FMNL2: variants seen among roughly 807,000 people sequenced by gnomAD.
FMNL2 encodes formin-like protein 2.
In FMNL2, 51 loss-of-function variants were observed where a neutral mutation model predicts 130.2. That is an observed-to-expected ratio of 0.39 (90% CI 0.31 to 0.49). The LOEUF (loss-of-function observed/expected upper bound fraction) is 0.49, where lower values mean the gene tolerates loss of function less well. Ranked by LOEUF, FMNL2 falls within the 20% of genes least tolerant of loss-of-function variation. The pLI, the probability that FMNL2 is intolerant of heterozygous loss-of-function variation, is 0.85. For missense variants in FMNL2, 977 were observed against 1,316.2 expected, an observed-to-expected ratio of 0.74 and a Z score of 3.99; for synonymous variants, 465 against 467.1, an observed-to-expected ratio of 1.00 and a Z score of 0.06.
chr2:152,631,732 C>T (rs868810651), intron 20 of FMNL2, among the ~76,000 whole-genome samples: 21 of 152,144 alleles, frequency 1.4e-4, no homozygotes, highest in African/African-American at 4.1e-4. Context: ...TAAATAGGAA[C>T]TACTGTAGAG....
At chr2:152,510,576 G>C (rs992225152) in intron 1 of FMNL2, among the ~76,000 whole-genome samples, 16 of 152,104 alleles carry the variant, frequency 1.1e-4, no homozygotes, top group African/African-American at 3.6e-4. Flanking sequence ...GTTGATTGTT[G>C]GTGTTGACCA....
intron 1 of FMNL2, among the ~76,000 whole-genome samples, chr2:152,469,661 T>C (rs773465691): frequency 2.0e-5 from 3 of 152,214 alleles, no homozygotes; most frequent in Non-Finnish European, 2.9e-5. Context: ...AGGTCATCAA[T>C]TGAAAATTCT....
chr2:152,376,113 T>C (rs1010690197), intron 1 of FMNL2, among the ~76,000 whole-genome samples: 1 of 151,954 alleles, frequency 6.6e-6, no homozygotes, highest in African/African-American at 2.4e-5. Context: ...AGGCTGGCCT[T>C]GAACTCCTGG....
At chr2:152,366,276 C>T (rs960816135) in intron 1 of FMNL2, among the ~76,000 whole-genome samples, 3 of 96,010 alleles carry the variant, frequency 3.1e-5, no homozygotes, top group African/African-American at 5.2e-5. Context: ...CATCACACAC[C>T]GGGGACTGTT....
intron 9 of FMNL2, among the ~76,000 whole-genome samples, chr2:152,595,038 G>A (rs1170529476): frequency 6.6e-6 from 1 of 152,010 alleles, no homozygotes; most frequent in Non-Finnish European, 1.5e-5. Flanking sequence ...TGAGCTTTAG[G>A]CTCTGTGTTG....
chr2:152,460,899 C>T (rs889047921), intron 1 of FMNL2, among the ~76,000 whole-genome samples: 15 of 152,042 alleles, frequency 9.9e-5, no homozygotes, highest in Admixed American at 3.3e-4. Flanking sequence ...ATAATTATTT[C>T]GTTATATATT....
chr2:152,447,236 G>T (rs953150770), intron 1 of FMNL2, among the ~76,000 whole-genome samples: 1 of 151,944 alleles, frequency 6.6e-6, no homozygotes, highest in African/African-American at 2.4e-5. Flanking sequence ...CAGTAGTCGG[G>T]ATTATAGGCA....
Position 152,441,969 on chromosome 2 carries a change from G to T in FMNL2, c.118-79974G>T, listed in dbSNP as rs546546163. Among the ~76,000 whole-genome samples the T allele has an allele frequency of 1.2e-4, 19 of 152,270 alleles. No homozygotes were observed. In the East Asian group the frequency reaches 3.5e-3, roughly 28 times the overall value. ...AGAGTGGGAGTTCCTACCAGTGTGTGTCTGTGTGTGTTTGTTTTTTAAAAT... is the reference window on the plus strand; with the variant it reads ...AGAGTGGGAGTTCCTACCAGTGTGTTTCTGTGTGTGTTTGTTTTTTAAAAT... On this transcript the variant is annotated intron_variant, in intron 1 of 25. Coordinates refer to ENST00000288670, the MANE Select transcript of FMNL2 (RefSeq NM_052905.4).
chr2:152,599,547 C>G (rs1329760304), intron 9 of FMNL2, among the ~76,000 whole-genome samples: 1 of 149,452 alleles, frequency 6.7e-6, no homozygotes, highest in Non-Finnish European at 1.5e-5. Flanking sequence ...TTATTCAGTA[C>G]AGCAAAATAT....
chr2:152,559,450 C>T (rs1473775225), intron 5 of FMNL2, among the ~76,000 whole-genome samples: 1 of 152,130 alleles, frequency 6.6e-6, no homozygotes, highest in African/African-American at 2.4e-5. Flanking sequence ...ATTACAGGCA[C>T]CCACCACCAT....
At chr2:152,646,988 T>C (rs145707043) in intron 25 of FMNL2, among the ~76,000 whole-genome samples, 2 of 152,324 alleles carry the variant, frequency 1.3e-5, no homozygotes, top group African/African-American at 4.8e-5. Context: ...TGGACTGGTA[T>C]GCAGTGATTG....
At chr2:152,400,882 T>C (rs1685657705) in intron 1 of FMNL2, among the ~76,000 whole-genome samples, 1 of 152,224 alleles carries the variant, frequency 6.6e-6, no homozygotes, top group East Asian at 1.9e-4. Flanking sequence ...GTAATGATTT[T>C]GTAGTTTTCT....
intron 21 of FMNL2, among the ~76,000 whole-genome samples, chr2:152,633,932 C>T (rs1186534642): frequency 1.3e-5 from 2 of 152,200 alleles, no homozygotes; most frequent in Non-Finnish European, 2.9e-5. Flanking sequence ...TATTCCTTCA[C>T]TCATGTGTTC....
chr2:152,498,855 A>G (rs1340638689), intron 1 of FMNL2, among the ~76,000 whole-genome samples: 2 of 152,234 alleles, frequency 1.3e-5, no homozygotes, highest in East Asian at 1.9e-4. Context: ...ATTCATGTGC[A>G]TTATTGAAAA....
At chr2:152,456,389 A>G (rs1688957241) in intron 1 of FMNL2, among the ~76,000 whole-genome samples, 1 of 152,120 alleles carries the variant, frequency 6.6e-6, no homozygotes, top group South Asian at 2.1e-4. Flanking sequence ...TTTTGTGGAG[A>G]CAGGGTTTCG....
intron 1 of FMNL2, among the ~76,000 whole-genome samples, chr2:152,393,545 C>G (rs1257185974): frequency 6.6e-6 from 1 of 152,150 alleles, no homozygotes; most frequent in African/African-American, 2.4e-5. Flanking sequence ...TTGACTGTCC[C>G]CCTGACAGCA....
At chr2:152,420,406 A>G (rs1341492093) in intron 1 of FMNL2, among the ~76,000 whole-genome samples, 1 of 152,220 alleles carries the variant, frequency 6.6e-6, no homozygotes, top group Non-Finnish European at 1.5e-5. Flanking sequence ...TAGGAAAAAA[A>G]GTCACACCCC....
rs1176717806 is a variant in FMNL2 at position 152,649,397 on chromosome 2, T to TTAAC, written c.*1495_*1498dup. ...TTATAGTTTTTTTTAATATATATAT[T>TTAAC]TAACTATAAGGACAGTTTAGGGAAC... On this transcript the variant is annotated 3_prime_UTR_variant, in exon 26 of 26. Coordinates refer to ENST00000288670, the MANE Select transcript of FMNL2 (RefSeq NM_052905.4). 3.3e-5 allele frequency: 5 copies of TTAAC among 152,616 alleles called. No individual in the cohort carries two copies. The East Asian group carries it at 9.6e-4, about 29-fold the overall frequency. The allele number at this position is 152,616 out of a possible 1,614,324, so 9.5% of individuals were successfully genotyped here.
At chr2:152,374,310 G>T (rs1359964403) in intron 1 of FMNL2, among the ~76,000 whole-genome samples, 1 of 152,094 alleles carries the variant, frequency 6.6e-6, no homozygotes, top group Non-Finnish European at 1.5e-5. Flanking sequence ...GAACTATCCT[G>T]CTTGGCCTGT....
Sources: allele counts gnomAD v4.1 joint callset (sites outside exome capture counted in the v4.1 genomes callset), GRCh38; gene constraint gnomAD v4.1.1; transcripts MANE v1.5; gene names NCBI Gene and HGNC (gene_info 2026-07-23, HGNC 2026-07-21).